GPC6: variants seen among roughly 807,000 people sequenced by gnomAD.
GPC6 encodes the protein glypican-6.
GPC6 carries 14 observed loss-of-function variants against 55.2 expected under a neutral mutation model. The observed-to-expected ratio is 0.25, with a 90% CI of 0.17 to 0.40. The LOEUF (loss-of-function observed/expected upper bound fraction) is 0.40. GPC6 is among the 10% of genes least tolerant of loss of function. The probability of loss-of-function intolerance (pLI) is 1.00; values close to 1 mark genes in which losing one functional copy is unlikely to be tolerated. For synonymous variants in GPC6, 278 were observed against 259.6 expected, an observed-to-expected ratio of 1.07 and a Z score of -0.68; for missense variants, 641 against 708.5, an observed-to-expected ratio of 0.90 and a Z score of 1.08.
chr13:93,941,295 G>T (rs886604869), intron 3 of GPC6, among the ~76,000 whole-genome samples: 7 of 152,196 alleles, frequency 4.6e-5, no homozygotes, highest in African/African-American at 1.7e-4. Context: ...ACTGGCTAGT[G>T]GATGCAGCAG....
intron 3 of GPC6, among the ~76,000 whole-genome samples, chr13:93,907,511 A>C (rs1406208237): frequency 6.6e-6 from 1 of 152,080 alleles, no homozygotes; most frequent in Non-Finnish European, 1.5e-5. Flanking sequence ...TTTGTGACCG[A>C]TTGTTTTTAA....
At chr13:93,880,114 G>T (rs1385321244) in intron 3 of GPC6, among the ~76,000 whole-genome samples, 1 of 151,898 alleles carries the variant, frequency 6.6e-6, no homozygotes, top group African/African-American at 2.4e-5. Flanking sequence ...TACCCTGTTG[G>T]TGGGACTGTA....
At position 94,098,546 on chromosome 13, in the gene GPC6, G is replaced by T. The variant is rs111739571; in HGVS notation, c.877+70652G>T. Among the ~76,000 whole-genome samples, 995 of 152,286 alleles carry T rather than the reference G, an allele frequency of 6.5e-3. 13 individuals carry two copies. The highest frequency in any genetic ancestry group is 0.023 in the African/African-American group (957 of 41,564). On this transcript the variant is annotated intron_variant, in intron 4 of 8. Transcript: ENST00000377047. ...CAAGAGCATGCCAGGGACCCAGCTTGTTGGGAAGCTTCTGATTCTCCATTA... is the reference window on the plus strand; with the variant it reads ...CAAGAGCATGCCAGGGACCCAGCTTTTTGGGAAGCTTCTGATTCTCCATTA...
intron 4 of GPC6, among the ~76,000 whole-genome samples, chr13:94,086,528 G>A (rs1274602056): frequency 6.6e-6 from 1 of 151,974 alleles, no homozygotes; most frequent in East Asian, 1.9e-4. Flanking sequence ...GTAAATATGG[G>A]TCTTAGAAAT....
intron 3 of GPC6, among the ~76,000 whole-genome samples, chr13:93,994,209 T>C (rs1175700975): frequency 6.6e-6 from 1 of 152,198 alleles, no homozygotes; most frequent in African/African-American, 2.4e-5. Flanking sequence ...AAAATTTCCA[T>C]TTAAGTAAGG....
intron 1 of GPC6, among the ~76,000 whole-genome samples, chr13:93,542,156 G>C (rs1489041908): frequency 6.6e-6 from 1 of 152,104 alleles, no homozygotes; most frequent in Non-Finnish European, 1.5e-5. Context: ...TATGGTTTTA[G>C]GTCTAACGTT....
intron 4 of GPC6, among the ~76,000 whole-genome samples, chr13:94,254,619 G>A (rs181407353): frequency 2.2e-4 from 33 of 151,994 alleles, no homozygotes; most frequent in Admixed American, 3.9e-4. Flanking sequence ...TGGGAGTAAC[G>A]GAAACATAAT....
At chr13:93,895,202 ATGTG>A (rs572229582) in intron 3 of GPC6, among the ~76,000 whole-genome samples, 2 of 121,948 alleles carry the variant, frequency 1.6e-5, no homozygotes, top group South Asian at 2.8e-4. Flanking sequence ...GTCCATATAT[ATGTG>A]TGTGTGTGTG....
chr13:94,194,770 G>GA (rs1313565522), intron 4 of GPC6, among the ~76,000 whole-genome samples: 1 of 151,902 alleles, frequency 6.6e-6, no homozygotes, highest in Non-Finnish European at 1.5e-5. Flanking sequence ...TTTTAAAGAT[G>GA]AAAAAAAGAA....
chr13:94,249,225 T>G (rs1331825671), intron 4 of GPC6, among the ~76,000 whole-genome samples: 1 of 152,140 alleles, frequency 6.6e-6, no homozygotes, highest in Admixed American at 6.6e-5. Flanking sequence ...TAATTTTCTA[T>G]CCTATCGATT....
intron 2 of GPC6, among the ~76,000 whole-genome samples, chr13:93,789,505 CTCTCTA>C (rs1165375431): frequency 0.038 from 3,018 of 80,216 alleles, 85 homozygotes; most frequent in East Asian, 0.065. Flanking sequence ...CTCTCTCTCT[CTCTCTA>C]TATATATATA....
chr13:93,416,287 A>C (rs917941020), intron 1 of GPC6, among the ~76,000 whole-genome samples: 3 of 152,144 alleles, frequency 2.0e-5, no homozygotes. Flanking sequence ...TGCACTGTAG[A>C]CTACAAACAT....
intron 3 of GPC6, among the ~76,000 whole-genome samples, chr13:93,856,634 C>T (rs1381216369): frequency 6.6e-6 from 1 of 151,544 alleles, no homozygotes; most frequent in African/African-American, 2.4e-5. Context: ...ATCCTGATGC[C>T]TGAACTAATT....
At chr13:93,372,433 T>C (rs1296643804) in intron 1 of GPC6, among the ~76,000 whole-genome samples, 1 of 152,186 alleles carries the variant, frequency 6.6e-6, no homozygotes, top group Non-Finnish European at 1.5e-5. Flanking sequence ...GGTTCTCAGC[T>C]GGATCTACTT....
At chr13:93,425,972 A>T (rs937895844) in intron 1 of GPC6, among the ~76,000 whole-genome samples, 4 of 152,156 alleles carry the variant, frequency 2.6e-5, no homozygotes, top group African/African-American at 4.8e-5. Context: ...CCAAAGCAAG[A>T]TTTAATTGAA....
chr13:94,072,803 T>C (rs1000997629), intron 4 of GPC6, among the ~76,000 whole-genome samples: 2 of 152,210 alleles, frequency 1.3e-5, no homozygotes, highest in African/African-American at 4.8e-5. Flanking sequence ...CAAAGTGGCA[T>C]GTGCTTAATG....
intron 1 of GPC6, among the ~76,000 whole-genome samples, chr13:93,464,682 T>C (rs1264005787): frequency 2.6e-5 from 4 of 152,164 alleles, no homozygotes; most frequent in Non-Finnish European, 5.9e-5. Context: ...TCTATGAGGG[T>C]TGGAATCAAA....
chr13:93,884,214 G>A (rs73553710), intron 3 of GPC6, among the ~76,000 whole-genome samples: 8,340 of 152,098 alleles, frequency 0.055, 354 homozygotes, highest in African/African-American at 0.12. Flanking sequence ...ATTCTAAGGC[G>A]AACTGTTTCC....
intron 2 of GPC6, among the ~76,000 whole-genome samples, chr13:93,638,377 A>G (rs1004001702): frequency 1.1e-4 from 17 of 152,142 alleles, no homozygotes; most frequent in African/African-American, 3.9e-4. Context: ...TGTTAAATTT[A>G]TATATATCAG....
Sources: gnomAD v4.1 joint callset for allele counts (sites outside exome capture counted in the v4.1 genomes callset) on GRCh38, gnomAD v4.1.1 for gene constraint, MANE v1.5 for transcripts, NCBI Gene and HGNC (gene_info 2026-07-23, HGNC 2026-07-21) for gene names.